ANKRD18A: variants seen among roughly 807,000 people sequenced by gnomAD.
ANKRD18A encodes ankyrin repeat domain 18A.
In ANKRD18A, 72 loss-of-function variants were observed where a neutral mutation model predicts 110.6. The ratio of observed to expected loss-of-function variants is 0.65; its 90% CI spans 0.54 to 0.79. The LOEUF (loss-of-function observed/expected upper bound fraction) is 0.79, where lower values mean the gene tolerates loss of function less well. Ranked by LOEUF, ANKRD18A falls within the 30% of genes least tolerant of loss-of-function variation. The probability of loss-of-function intolerance (pLI) is 0.00; values close to 1 mark genes in which losing one functional copy is unlikely to be tolerated. For synonymous variants in ANKRD18A, 305 were observed against 410.3 expected, an observed-to-expected ratio of 0.74 and a Z score of 3.10; for missense variants, 934 against 1,163.3, an observed-to-expected ratio of 0.80 and a Z score of 2.87.
At position 38,620,060 on chromosome 9, in the gene ANKRD18A, G is replaced by A. The variant is rs1050047730; in HGVS notation, c.206+20C>T. 11 of 1,548,744 alleles carry A rather than the reference G, an allele frequency of 7.1e-6. No homozygotes were observed. The highest frequency in any genetic ancestry group is 4.1e-5 in the African/African-American group (3 of 72,944). On this transcript the variant is annotated intron_variant, in intron 1 of 15. Transcript: ENST00000399703. ...CGGGCCTGCGGCCCCCTCCCACCGCGGGCTGAGTCCCCGAGCTACCTGTCT... is the reference window on the plus strand; with the variant it reads ...CGGGCCTGCGGCCCCCTCCCACCGCAGGCTGAGTCCCCGAGCTACCTGTCT...
rs562554042 is a variant in ANKRD18A at position 38,606,921 on chromosome 9, G to A, written c.808+505C>T. 1.6e-3 allele frequency among the ~76,000 whole-genome samples: 250 copies of A among 152,094 alleles called. 1 individual carries two copies. The highest frequency in any genetic ancestry group is 3.1e-3 in the Non-Finnish European group (212 of 67,982). The stretch of plus-strand genomic sequence containing the variant: ...TAAATGAATTTTTTCAGACAATACT[G>A]TTTGAGATTGAGAATTAGCTACAAA... On this transcript the variant is annotated intron_variant, in intron 6 of 15. Transcript: ENST00000399703.
In ANKRD18A at chr9:38,578,143, A is replaced by T. The variant is rs1258229561; in HGVS notation, c.2253T>A (p.Asn751Lys). 31 of 1,540,764 alleles carry T rather than the reference A, an allele frequency of 2.0e-5. No homozygotes were observed. Among genetic ancestry groups the T allele is most frequent in the Non-Finnish European group, 2.5e-5 (29 of 1,144,568 alleles). The change falls in exon 13 of 16, where the codon AAT becomes AAA. Residue 751 changes from asparagine to lysine, a missense_variant. By Grantham distance (94) the Asn-to-Lys change is moderately conservative (BLOSUM62 0). Transcript: ENST00000399703. ...CAGCTTCCTTCTCGGCCACAAGATC[A>T]TTAAACTGCATTAAGAAAATAATAG... is the stretch of plus-strand genomic sequence containing the variant. Reference protein sequence around the residue: ...ILFKKLKQKFNDLVAEKEAVS... With the variant: ...ILFKKLKQKFKDLVAEKEAVS...
At position 38,572,078 on chromosome 9, in the gene ANKRD18A, G is replaced by A. The variant is rs777191595; in HGVS notation, c.2965-19C>T. 2 of 1,544,904 alleles carry A rather than the reference G, an allele frequency of 1.3e-6. No homozygotes were observed. Among genetic ancestry groups the A allele is most frequent in the Non-Finnish European group, 1.8e-6 (2 of 1,141,654 alleles). On this transcript the variant is annotated intron_variant, in intron 15 of 15. Transcript: ENST00000399703. ...GCAAAACCTGGAAAGAAAAAGAAAG[G>A]ATTATGTTCTTTACCTAAAACATTT... is the stretch of plus-strand genomic sequence containing the variant.
At position 38,571,682 on chromosome 9, in the gene ANKRD18A, C is replaced by T. The variant is rs1437694068; in HGVS notation, c.*363G>A. On this transcript the variant is annotated 3_prime_UTR_variant, in exon 16 of 16. Transcript: ENST00000399703. Reference sequence around the variant, plus strand: ...CCCTCGATGACCTTTACTAAAGTATCAATGATGACTTGGTTGTTTGGCTGT... The same window carrying T: ...CCCTCGATGACCTTTACTAAAGTATTAATGATGACTTGGTTGTTTGGCTGT... 9.7e-7 allele frequency: 1 copy of T among 1,029,266 alleles called. No individual in the cohort carries two copies. Among genetic ancestry groups the T allele is most frequent in the Non-Finnish European group, 1.2e-6 (1 of 859,698 alleles). 63.8% of individuals were successfully genotyped at this position (1,029,266 alleles called of 1,614,324 possible). A position where few individuals can be genotyped will look rare whatever the true frequency, so the allele number is the denominator to read the frequency against.
chr9:38,602,835 TAC>T (rs1422046150), intron 7 of ANKRD18A, among the ~76,000 whole-genome samples: 1 of 152,154 alleles, frequency 6.6e-6, no homozygotes, highest in East Asian at 1.9e-4. Flanking sequence ...CACACCCAGT[TAC>T]AGTTTTTGAA....
At chr9:38,598,938 G>C (rs143321866) in intron 8 of ANKRD18A, among the ~76,000 whole-genome samples, 44 of 152,324 alleles carry the variant, frequency 2.9e-4, no homozygotes, top group African/African-American at 1.0e-3. Flanking sequence ...TCTACAGACT[G>C]AGGCCAATGT....
At chr9:38,611,009 GAGA>G (rs1245826989) in intron 4 of ANKRD18A, among the ~76,000 whole-genome samples, 1 of 152,008 alleles carries the variant, frequency 6.6e-6, no homozygotes, top group African/African-American at 2.4e-5. Flanking sequence ...CAGTCTATAA[GAGA>G]AGATGAATCC....
intron 11 of ANKRD18A, among the ~76,000 whole-genome samples, chr9:38,587,856 G>A (rs1387269074): frequency 6.6e-6 from 1 of 152,180 alleles, no homozygotes; most frequent in Non-Finnish European, 1.5e-5. Context: ...TTGGGAGGCT[G>A]AGGCAGGTGG....
At position 38,586,189 on chromosome 9, in the gene ANKRD18A, T is replaced by G; in HGVS notation, c.2241A>C (p.Lys747Asn). ...LKMDILFKKL[K>N]QKFNDLVAEK... ...AATAATTTTTTAAAATTACCTTCTG[T>G]TTTAGCTTCTTAAACAGAATATCCA... is the stretch of plus-strand genomic sequence containing the variant. The change falls in exon 12 of 16, where the codon AAA becomes AAC. Residue 747 changes from lysine to asparagine, a missense_variant. Lys to Asn is a moderately conservative substitution (Grantham distance 94). Transcript: ENST00000399703. 6.2e-7 allele frequency: 1 copy of G among 1,605,748 alleles called. No homozygotes were observed. Among genetic ancestry groups the G allele is most frequent in the Non-Finnish European group, 8.5e-7 (1 of 1,176,970 alleles).
chr9:38,585,514 A>G (rs1824342505), intron 12 of ANKRD18A, among the ~76,000 whole-genome samples: 1 of 152,098 alleles, frequency 6.6e-6, no homozygotes, highest in African/African-American at 2.4e-5. Context: ...CATTCTCAAG[A>G]GCTCTTGAGA....
intron 11 of ANKRD18A, among the ~76,000 whole-genome samples, 175 bp downstream of exon 11, chr9:38,588,373 CCTG>C (rs964639511): frequency 2.6e-5 from 4 of 152,130 alleles, no homozygotes; most frequent in Admixed American, 6.5e-5. Context: ...GTCATGGACT[CCTG>C]CTCACATGCC....
chr9:38,596,651 A>T (rs138769009), intron 8 of ANKRD18A, among the ~76,000 whole-genome samples: 2,132 of 152,286 alleles, frequency 0.014, 46 homozygotes, highest in African/African-American at 0.049. Flanking sequence ...AATTTTTAAG[A>T]ATATCAGAAT....
intron 15 of ANKRD18A, among the ~76,000 whole-genome samples, chr9:38,574,022 G>T (rs1406193853): frequency 1.3e-5 from 2 of 152,060 alleles, no homozygotes. Flanking sequence ...AGTGAGCATA[G>T]GACCCAAGAA....
chr9:38,599,289 A>G (rs1825020402), intron 8 of ANKRD18A, among the ~76,000 whole-genome samples: 2 of 152,144 alleles, frequency 1.3e-5, no homozygotes, highest in Admixed American at 6.5e-5. Context: ...ACAGAGTTAG[A>G]CACTCCAGGT....
intron 3 of ANKRD18A, among the ~76,000 whole-genome samples, chr9:38,612,557 A>G (rs544853584): frequency 1.5e-3 from 214 of 140,992 alleles, no homozygotes; most frequent in African/African-American, 4.9e-3. Context: ...TCACACTGTC[A>G]CCCAGGCTGC....
chr9:38,575,780 G>T, intron 14 of ANKRD18A, 82 bp from the exon 15 acceptor site: 1 of 1,411,522 alleles, frequency 7.1e-7, no homozygotes, highest in Non-Finnish European at 9.5e-7. Context: ...TTAAAAAGTT[G>T]CCCTGAGAGT....
In ANKRD18A at chr9:38,593,901, C is replaced by T; in HGVS notation, c.1863G>A (p.Val621=). Residue 621 remains valine (V), a synonymous_variant, in exon 10 of 16, where the codon GTG becomes GTA. Coordinates refer to ENST00000399703, the MANE Select transcript of ANKRD18A (RefSeq NM_147195.4). ...CGACCAGTTCTTCTTGAAATTCTCT[C>T]ACAATCACCTGACAAAATATTTTTG... ...EKEKAEREVI[V]REFQEELVDH... 4.1e-6 allele frequency: 6 copies of T among 1,473,734 alleles called. No homozygotes were observed. The highest frequency in any genetic ancestry group is 5.4e-6 in the Non-Finnish European group (6 of 1,114,800). The allele number at this position is 1,473,734 out of a possible 1,614,324, so 91.3% of individuals were successfully genotyped here.
At chr9:38,587,826 C>A (rs1465708271) in intron 11 of ANKRD18A, among the ~76,000 whole-genome samples, 16 of 152,148 alleles carry the variant, frequency 1.1e-4, no homozygotes, top group African/African-American at 3.6e-4. Context: ...CGTTGCTAAG[C>A]GCAGTGGCTC....
chr9:38,605,085 G>T (rs2993186), intron 6 of ANKRD18A, among the ~76,000 whole-genome samples: 1 of 152,260 alleles, frequency 6.6e-6, no homozygotes, highest in African/African-American at 2.4e-5. Flanking sequence ...CATACTGAAC[G>T]TGATACATAT....
Sources: allele counts gnomAD v4.1 joint callset (sites outside exome capture counted in the v4.1 genomes callset), GRCh38; gene constraint gnomAD v4.1.1; transcripts MANE v1.5; gene names NCBI Gene and HGNC (gene_info 2026-07-23, HGNC 2026-07-21).